NDST3: variants seen among roughly 807,000 people sequenced by gnomAD.
NDST3 encodes bifunctional heparan sulfate N-deacetylase/N-sulfotransferase 3.
NDST3 carries 58 observed loss-of-function variants against 96.1 expected under a neutral mutation model. That is an observed-to-expected ratio of 0.60 (90% CI 0.49 to 0.75). The LOEUF (loss-of-function observed/expected upper bound fraction) is 0.75. Ranked by LOEUF, NDST3 falls within the 30% of genes least tolerant of loss-of-function variation. The pLI is 0.00. For synonymous variants in NDST3, 333 were observed against 359.7 expected (o/e 0.93, Z 0.84); for missense variants, 788 against 1,034.2 (o/e 0.76, Z 3.27).
At chr4:118,115,607 C>T (rs1192573658) in intron 4 of NDST3, among the ~76,000 whole-genome samples, 1 of 151,978 alleles carries the variant, frequency 6.6e-6, no homozygotes, top group Non-Finnish European at 1.5e-5. Flanking sequence ...GCAAGGTACA[C>T]CATGTAATAC....
chr4:118,161,143 C>A (rs113598960), intron 6 of NDST3, among the ~76,000 whole-genome samples: 2 of 152,200 alleles, frequency 1.3e-5, no homozygotes, highest in Non-Finnish European at 2.9e-5. Flanking sequence ...CACTCCAGAC[C>A]CTGTTTGCCT....
intron 6 of NDST3, among the ~76,000 whole-genome samples, chr4:118,178,616 C>T (rs890254870): frequency 1.3e-5 from 2 of 151,922 alleles, no homozygotes; most frequent in Admixed American, 1.3e-4. Context: ...ACCTTGTGGC[C>T]ATTGTGAATA....
chr4:118,121,895 AGT>A (rs949866843), intron 4 of NDST3, among the ~76,000 whole-genome samples: 8 of 152,296 alleles, frequency 5.3e-5, no homozygotes, highest in African/African-American at 1.7e-4. Context: ...AACTTTTGAA[AGT>A]GGTTTTGATT....
At chr4:118,176,969 T>C (rs1736320108) in intron 6 of NDST3, among the ~76,000 whole-genome samples, 1 of 152,036 alleles carries the variant, frequency 6.6e-6, no homozygotes, top group South Asian at 2.1e-4. Flanking sequence ...TAAATGAAAA[T>C]TGAAAATAGA....
At chr4:118,067,052 T>C (rs1163380658) in intron 2 of NDST3, among the ~76,000 whole-genome samples, 1 of 149,554 alleles carries the variant, frequency 6.7e-6, no homozygotes, top group Non-Finnish European at 1.5e-5. Context: ...GACAACTTAC[T>C]TGATATTCTT....
chr4:118,087,389 A>G (rs1405097995), intron 2 of NDST3, among the ~76,000 whole-genome samples: 1 of 152,156 alleles, frequency 6.6e-6, no homozygotes, highest in African/African-American at 2.4e-5. Flanking sequence ...CTAGCTGATA[A>G]AAAGAATCCT....
chr4:118,121,937 A>G (rs1399530629), intron 4 of NDST3, among the ~76,000 whole-genome samples: 1 of 152,198 alleles, frequency 6.6e-6, no homozygotes, highest in Non-Finnish European at 1.5e-5. Context: ...ATTCCTGTCC[A>G]GATTACCTTC....
At chr4:118,253,794 A>G (rs914915692) in intron 13 of NDST3, among the ~76,000 whole-genome samples, 193 bp downstream of exon 13, 1 of 152,218 alleles carries the variant, frequency 6.6e-6, no homozygotes, top group Non-Finnish European at 1.5e-5. Flanking sequence ...ATGCAAGAAT[A>G]AAGGAAAACA....
rs147213654 is a variant in NDST3 at position 118,114,890 on chromosome 4, T to C, written c.1154T>C (p.Met385Thr). ...TGGTTTCCTCACATGTGGAGCCATA[T>C]GCAGCCCCACCTCTTCCACAATGAG... ...FWWFPHMWSHMQPHLFHNESS... is the reference protein window; with the variant it reads ...FWWFPHMWSHTQPHLFHNESS... Residue 385 changes from methionine (M) to threonine (T), a missense_variant, in exon 4 of 14, where the codon ATG becomes ACG. Transcript: ENST00000296499. The C allele has an allele frequency of 5.6e-6, 9 of 1,614,028 alleles. No individual in the cohort carries two copies. Among genetic ancestry groups the C allele is most frequent in the Non-Finnish European group, 7.6e-6 (9 of 1,179,994 alleles).
intron 6 of NDST3, among the ~76,000 whole-genome samples, chr4:118,201,702 T>A (rs796364601): frequency 1.6e-4 from 25 of 152,338 alleles, no homozygotes; most frequent in African/African-American, 5.8e-4. Flanking sequence ...GTTGGATGCA[T>A]AGTTTGCAGA....
At chr4:118,248,170 G>T (rs1030803801) in intron 12 of NDST3, among the ~76,000 whole-genome samples, 10 of 152,056 alleles carry the variant, frequency 6.6e-5, no homozygotes, top group African/African-American at 2.4e-4. Flanking sequence ...AACCAATATG[G>T]TGGAACCCCA....
At chr4:118,112,243 A>G (rs1472011088) in intron 3 of NDST3, among the ~76,000 whole-genome samples, 1 of 152,234 alleles carries the variant, frequency 6.6e-6, no homozygotes, top group Admixed American at 6.5e-5. Context: ...CTATCTTTTC[A>G]AAGAACCCTG....
intron 6 of NDST3, among the ~76,000 whole-genome samples, chr4:118,196,145 T>C (rs1033570761): frequency 4.6e-5 from 7 of 152,206 alleles, no homozygotes; most frequent in Non-Finnish European, 7.3e-5. Context: ...ATGTATCACA[T>C]TGATTGATTT....
intron 12 of NDST3, among the ~76,000 whole-genome samples, chr4:118,245,590 T>A (rs928591162): frequency 2.0e-5 from 3 of 152,206 alleles, no homozygotes; most frequent in Non-Finnish European, 2.9e-5. Flanking sequence ...AGTACAAATG[T>A]ACTACACTAA....
chr4:118,137,951 T>G, intron 4 of NDST3, 103 bp from the exon 5 acceptor site: 1 of 938,690 alleles, frequency 1.1e-6, no homozygotes, highest in Non-Finnish European at 1.5e-6. Context: ...TAAGTAATGA[T>G]GCATTTAAAT....
intron 2 of NDST3, among the ~76,000 whole-genome samples, chr4:118,073,744 T>C (rs1727273361): frequency 6.6e-6 from 1 of 152,104 alleles, no homozygotes; most frequent in African/African-American, 2.4e-5. Flanking sequence ...ACATCTCAGT[T>C]TCATTAATTA....
At chr4:118,231,143 C>A (rs1740260230) in intron 8 of NDST3, among the ~76,000 whole-genome samples, 1 of 151,874 alleles carries the variant, frequency 6.6e-6, no homozygotes, top group African/African-American at 2.4e-5. Flanking sequence ...CGAGACCAGC[C>A]TGGCCAACAT....
chr4:118,148,306 T>A (rs1734106774), intron 6 of NDST3, among the ~76,000 whole-genome samples: 1 of 151,982 alleles, frequency 6.6e-6, no homozygotes, highest in Admixed American at 6.6e-5. Flanking sequence ...TCAAAAAAAA[T>A]GCGCGCCAAT....
chr4:118,074,852 G>A (rs1216376407), intron 2 of NDST3, among the ~76,000 whole-genome samples: 1 of 151,958 alleles, frequency 6.6e-6, no homozygotes, highest in Non-Finnish European at 1.5e-5. Context: ...CTGTTTTTGT[G>A]GTGGCCAGCA....
Sources: gnomAD v4.1 joint callset for allele counts (sites outside exome capture counted in the v4.1 genomes callset) on GRCh38, gnomAD v4.1.1 for gene constraint, MANE v1.5 for transcripts, NCBI Gene and HGNC (gene_info 2026-07-23, HGNC 2026-07-21) for gene names.